Variants in PCDHGB7 observed in about 807,000 individuals in gnomAD.
PCDHGB7 encodes protocadherin gamma subfamily B, 7.
In PCDHGB7, 37 loss-of-function variants were observed where a neutral mutation model predicts 61.4. The ratio of observed to expected loss-of-function variants is 0.60; its 90% CI spans 0.46 to 0.79. The LOEUF (loss-of-function observed/expected upper bound fraction) is 0.79, where lower values mean the gene tolerates loss of function less well. Ranked by LOEUF, PCDHGB7 falls within the 30% of genes least tolerant of loss-of-function variation. The probability of loss-of-function intolerance (pLI) is 0.00; values close to 1 mark genes in which losing one functional copy is unlikely to be tolerated. For synonymous variants in PCDHGB7, 464 were observed against 503.5 expected, an observed-to-expected ratio of 0.92 and a Z score of 1.05; for missense variants, 1,166 against 1,202.5, an observed-to-expected ratio of 0.97 and a Z score of 0.45.
At chr5:141,433,383 CT>C (rs2097595660) in intron 1 of PCDHGB7, among the ~76,000 whole-genome samples, 1 of 151,456 alleles carries the variant, frequency 6.6e-6, no homozygotes, top group Non-Finnish European at 1.5e-5. Context: ...ATCTATCTAT[CT>C]ATCTATCTAT....
At chr5:141,497,665 G>A (rs1011161465) in intron 2 of PCDHGB7, among the ~76,000 whole-genome samples, 3 of 151,348 alleles carry the variant, frequency 2.0e-5, no homozygotes, top group South Asian at 2.1e-4. Flanking sequence ...TCAGCCTCCC[G>A]AGTAGCTGGG....
At chr5:141,484,047 TC>T (rs1351554084) in intron 1 of PCDHGB7, among the ~76,000 whole-genome samples, 1 of 151,912 alleles carries the variant, frequency 6.6e-6, no homozygotes, top group African/African-American at 2.4e-5. Context: ...CTCCAAGAGG[TC>T]CCCTGGGGCT....
At chr5:141,510,028 C>A (rs962629835) in intron 3 of PCDHGB7, among the ~76,000 whole-genome samples, 1 of 152,164 alleles carries the variant, frequency 6.6e-6, no homozygotes, top group Non-Finnish European at 1.5e-5. Context: ...GCTGGCTGGG[C>A]TGTTATGTAG....
chr5:141,441,884 C>A (rs2098281796), intron 1 of PCDHGB7: 10 of 343,702 alleles, frequency 2.9e-5, no homozygotes, highest in South Asian at 2.6e-4. Context: ...TACCTGGTCA[C>A]CAAGGTGGTG....
At chr5:141,422,725 G>C (rs1424048338) in intron 1 of PCDHGB7, 1 of 1,606,156 alleles carries the variant, frequency 6.2e-7, no homozygotes, top group African/African-American at 1.3e-5. Flanking sequence ...TGTCCAGGGG[G>C]TGCCTCTGTC....
intron 1 of PCDHGB7, chr5:141,478,174 G>GA (rs1156842877): frequency 3.7e-6 from 6 of 1,613,692 alleles, no homozygotes; most frequent in South Asian, 1.1e-5. Context: ...CCCGGGAGCA[G>GA]AAAAAAAATC....
At chr5:141,510,682 G>C (rs1014890367) in intron 3 of PCDHGB7, among the ~76,000 whole-genome samples, 2 of 152,154 alleles carry the variant, frequency 1.3e-5, no homozygotes, top group Non-Finnish European at 2.9e-5. Context: ...GTGGCATAAG[G>C]AGGTTAGGTA....
chr5:141,438,623 TATATATATATATACACAC>T (rs1435936123), intron 1 of PCDHGB7, among the ~76,000 whole-genome samples: 532 of 42,826 alleles, frequency 0.012, 5 homozygotes, highest in African/African-American at 0.075. Flanking sequence ...TATATATATA[TATATATATATATACACAC>T]ACACACACAC....
rs553276457 is a variant in PCDHGB7 at position 141,480,179 on chromosome 5, G to A, written c.2416-14628G>A. Among the ~76,000 whole-genome samples, 10 of 152,058 alleles carry A rather than the reference G, an allele frequency of 6.6e-5. No individual in the cohort carries two copies. In the South Asian group the frequency reaches 8.3e-4, roughly 13 times the overall value. On this transcript the variant is annotated intron_variant, in intron 1 of 3. Transcript: ENST00000398594. ...AGCATTTTGGGAGGCTGAGGCAGGC[G>A]GATTGCTTGAGGCCAGCAGTTCAAG... is the stretch of plus-strand genomic sequence containing the variant.
chr5:141,494,742 G>A (rs1223104681), intron 1 of PCDHGB7, 65 bp from the exon 2 acceptor site: 10 of 1,611,946 alleles, frequency 6.2e-6, no homozygotes, highest in Non-Finnish European at 8.5e-6. Context: ...CCCATCCCTA[G>A]GGGCTCGGGT....
Position 141,431,954 on chromosome 5 carries a change from G to T in PCDHGB7, c.2415+11680G>T. On this transcript the variant is annotated intron_variant, in intron 1 of 3. Coordinates refer to ENST00000398594, the MANE Select transcript of PCDHGB7 (RefSeq NM_018927.4). The surrounding 1 kb of genome is among the most constrained non-coding windows in gnomAD (Gnocchi z 4.8). Reference sequence around the variant, plus strand: ...GCCCTTTAAATTAGAAAAATCTTACGGAAATTACTATAGTTTAGTCACAGA... The same window carrying T: ...GCCCTTTAAATTAGAAAAATCTTACTGAAATTACTATAGTTTAGTCACAGA... The T allele has an allele frequency of 6.2e-7, 1 of 1,614,110 alleles. No homozygotes were observed. Among genetic ancestry groups the T allele is most frequent in the Non-Finnish European group, 8.5e-7 (1 of 1,180,010 alleles).
rs532216579 is a variant in PCDHGB7, at chr5:141,419,369, T to G, written c.1510T>G (p.Tyr504Asp). 631 of 1,613,750 alleles carry G rather than the reference T, an allele frequency of 3.9e-4. 5 individuals carry two copies. In the East Asian group the frequency reaches 0.013, roughly 33 times the overall value. The change falls in exon 1 of 4, where the codon TAC becomes GAC. Residue 504 changes from tyrosine to aspartate, a missense_variant. Physicochemically the swap from Tyr to Asp is radical, Grantham distance 160 (BLOSUM62 -3). Coordinates refer to ENST00000398594, the MANE Select transcript of PCDHGB7 (RefSeq NM_018927.4). ...CCTGGAGTCACGAACGCTGTCGTCC[T>G]ACGTGTCCGTGAGCGCGCAGAGCGG... ...SDLESRTLSS[Y>D]VSVSAQSGVV... is the part of the protein sequence containing the mutation.
In PCDHGB7 at chr5:141,432,399, C is replaced by T. The variant is rs2097496727; in HGVS notation, c.2415+12125C>T. ...CACCCGCCCCTCAGCAGCAACGTGT[C>T]GTTGAGCCTGTTCGTGCTGGACCAG... is the stretch of plus-strand genomic sequence containing the variant. On this transcript the variant is annotated intron_variant, in intron 1 of 3. Coordinates refer to ENST00000398594, the MANE Select transcript of PCDHGB7 (RefSeq NM_018927.4). This position sits in a 1 kb window ranked among gnomAD's most constrained non-coding sequence, Gnocchi z 6.0. 1.2e-6 allele frequency: 2 copies of T among 1,614,240 alleles called. No homozygotes were observed. Among genetic ancestry groups the T allele is most frequent in the Non-Finnish European group, 1.7e-6 (2 of 1,180,040 alleles).
intron 3 of PCDHGB7, among the ~76,000 whole-genome samples, chr5:141,507,521 C>G (rs2099861196): frequency 6.6e-6 from 1 of 151,972 alleles, no homozygotes; most frequent in African/African-American, 2.4e-5. Flanking sequence ...GGCTATGATT[C>G]CAGAGAGGCC....
At chr5:141,506,119 G>T (rs1171566108) in intron 3 of PCDHGB7, among the ~76,000 whole-genome samples, 1 of 152,106 alleles carries the variant, frequency 6.6e-6, no homozygotes, top group African/African-American at 2.4e-5. Context: ...AGTCACTAGG[G>T]CCCAGAGCAG....
chr5:141,484,924 T>C (rs1453592037), intron 1 of PCDHGB7: 7 of 484,872 alleles, frequency 1.4e-5, no homozygotes, highest in Non-Finnish European at 2.2e-5. Context: ...ACCCTGCTGC[T>C]GTTGGGACGT....
intron 2 of PCDHGB7, among the ~76,000 whole-genome samples, chr5:141,503,950 C>T (rs1216385793): frequency 3.3e-5 from 5 of 152,180 alleles, no homozygotes; most frequent in Non-Finnish European, 7.3e-5. Flanking sequence ...CAAGGCCTAC[C>T]CTACAGCCTT....
At chr5:141,428,169 G>T (rs758370904) in intron 1 of PCDHGB7, 5 of 1,539,960 alleles carry the variant, frequency 3.2e-6, no homozygotes, top group South Asian at 2.2e-5. Context: ...GTTGCTGTGC[G>T]TGACGGAGGA....
intron 1 of PCDHGB7, among the ~76,000 whole-genome samples, chr5:141,451,924 G>C (rs1337159204): frequency 1.3e-5 from 2 of 152,008 alleles, no homozygotes; most frequent in African/African-American, 4.8e-5. Context: ...AAGGAAGGGA[G>C]GTAGGGAGGC....
Sources: gnomAD v4.1 joint callset for allele counts (sites outside exome capture counted in the v4.1 genomes callset) on GRCh38, gnomAD v4.1.1 for gene constraint, Gnocchi (gnomAD v3.1) non-coding constraint, MANE v1.5 for transcripts, NCBI Gene and HGNC (gene_info 2026-07-23, HGNC 2026-07-21) for gene names.